Variants in CALN1 observed in about 807,000 individuals in gnomAD.
The protein encoded by CALN1 is calcium-binding protein 8.
Under a neutral mutation model 30.6 loss-of-function variants are expected in CALN1, and 17 were observed. That is an observed-to-expected ratio of 0.56 (90% CI 0.38 to 0.83). CALN1 has a LOEUF of 0.83. Among genes scored for constraint, CALN1 ranks in the 40% least tolerant of loss-of-function variants. The probability of loss-of-function intolerance (pLI) is 0.00; values close to 1 mark genes in which losing one functional copy is unlikely to be tolerated. For missense variants in CALN1, 291 were observed against 354.9 expected (o/e 0.82, Z 1.45); for synonymous variants, 156 against 131.4 (o/e 1.19, Z -1.28).
chr7:72,186,916 A>C (rs1378367920), intron 3 of CALN1, among the ~76,000 whole-genome samples: 1 of 114,060 alleles, frequency 8.8e-6, no homozygotes, highest in African/African-American at 3.2e-5. Context: ...TTTTGATAGA[A>C]TGATTTCTTT....
chr7:71,979,056 T>C (rs1248224324), intron 5 of CALN1, among the ~76,000 whole-genome samples: 5 of 152,062 alleles, frequency 3.3e-5, no homozygotes, highest in Non-Finnish European at 5.9e-5. Flanking sequence ...AGATGATGTC[T>C]CCCTCCAGGA....
At chr7:72,412,654 A>G (rs546706582), upstream of CALN1, among the ~76,000 whole-genome samples, 326 of 152,306 alleles carry the variant, frequency 2.1e-3, 2 homozygotes, top group African/African-American at 7.6e-3. Flanking sequence ...GAGCAGCCCC[A>G]GCCCTTGTCC....
chr7:72,176,391 T>G (rs969000583), intron 3 of CALN1, among the ~76,000 whole-genome samples: 1 of 152,190 alleles, frequency 6.6e-6, no homozygotes. Flanking sequence ...AAATCTCTTG[T>G]TGAAATATGA....
At chr7:71,934,417 C>T (rs929190775) in intron 5 of CALN1, among the ~76,000 whole-genome samples, 1 of 152,108 alleles carries the variant, frequency 6.6e-6, no homozygotes, top group Non-Finnish European at 1.5e-5. Flanking sequence ...GTTTACTTGG[C>T]TCATGGTTCT....
chr7:72,091,331 A>C (rs1248212536), intron 4 of CALN1, among the ~76,000 whole-genome samples: 1 of 152,206 alleles, frequency 6.6e-6, no homozygotes, highest in African/African-American at 2.4e-5. Flanking sequence ...ACTCCGTCTC[A>C]AACAGACAAA....
the CALN1 span, among the ~76,000 whole-genome samples, chr7:72,487,095 G>A: frequency 6.6e-6 from 1 of 152,136 alleles, no homozygotes; most frequent in Admixed American, 6.5e-5. Context: ...CTGTTGCCCT[G>A]GCTGGAGTAC....
chr7:72,388,948 C>T (rs1338703678), intron 2 of CALN1, among the ~76,000 whole-genome samples: 1 of 152,178 alleles, frequency 6.6e-6, no homozygotes, highest in Non-Finnish European at 1.5e-5. Flanking sequence ...GGCTGCAGAT[C>T]GCTGGGTCTC....
At chr7:71,874,260 G>A (rs1263874888) in intron 5 of CALN1, among the ~76,000 whole-genome samples, 3 of 138,716 alleles carry the variant, frequency 2.2e-5, no homozygotes, top group African/African-American at 5.7e-5. Flanking sequence ...GGGTGACAGC[G>A]AGACTCTGTC....
At chr7:71,916,310 T>C (rs543443698) in intron 5 of CALN1, among the ~76,000 whole-genome samples, 1 of 152,028 alleles carries the variant, frequency 6.6e-6, no homozygotes, top group South Asian at 2.1e-4. Flanking sequence ...GACTCCTTCC[T>C]CAGAGAAGAT....
chr7:72,072,196 CAA>C (rs1356205017), intron 4 of CALN1, among the ~76,000 whole-genome samples: 2 of 152,088 alleles, frequency 1.3e-5, no homozygotes, highest in East Asian at 1.9e-4. Context: ...AAGATGAACT[CAA>C]AGAGACCCAC....
chr7:72,057,984 T>C (rs1803377981), intron 4 of CALN1, among the ~76,000 whole-genome samples: 1 of 152,184 alleles, frequency 6.6e-6, no homozygotes, highest in Admixed American at 6.5e-5. Flanking sequence ...AGCACAGTTT[T>C]CTAAGTCGTG....
intron 3 of CALN1, among the ~76,000 whole-genome samples, chr7:72,234,845 C>T (rs1794370540): frequency 1.3e-5 from 2 of 152,176 alleles, no homozygotes; most frequent in East Asian, 3.9e-4. Flanking sequence ...GGTAGATATC[C>T]CCTAAGTACT....
At chr7:71,874,279 T>TA (rs57423286) in intron 5 of CALN1, among the ~76,000 whole-genome samples, 5,049 of 97,548 alleles carry the variant, frequency 0.052, 395 homozygotes, top group African/African-American at 0.17. Context: ...TCTCAAACAT[T>TA]AAAAAAAAAA....
chr7:72,213,787 G>A (rs965435450), intron 3 of CALN1, among the ~76,000 whole-genome samples: 2 of 152,138 alleles, frequency 1.3e-5, no homozygotes, highest in African/African-American at 4.8e-5. Flanking sequence ...TCCAAACAGG[G>A]AGGGAGAAGG....
intron 3 of CALN1, among the ~76,000 whole-genome samples, chr7:72,226,275 A>T (rs1793673599): frequency 6.6e-6 from 1 of 151,898 alleles, no homozygotes; most frequent in Non-Finnish European, 1.5e-5. Context: ...GAAAGAAAGA[A>T]TTAGCAATGG....
chr7:72,100,740 A>T (rs1806593021), intron 4 of CALN1, among the ~76,000 whole-genome samples: 2 of 149,568 alleles, frequency 1.3e-5, no homozygotes, highest in South Asian at 4.3e-4. Flanking sequence ...GAATGGCGTG[A>T]ACCTGGGAGG....
intron 3 of CALN1, among the ~76,000 whole-genome samples, chr7:72,257,774 A>G (rs1456906859): frequency 6.6e-6 from 1 of 152,228 alleles, no homozygotes; most frequent in Non-Finnish European, 1.5e-5. Flanking sequence ...ACCACGGAAT[A>G]CTACTCAGCC....
chr7:72,274,815 T>C, intron 3 of CALN1, among the ~76,000 whole-genome samples: 1 of 152,146 alleles, frequency 6.6e-6, no homozygotes, highest in East Asian at 1.9e-4. Flanking sequence ...ACTGTCTCCA[T>C]CAATCCACCT....
intron 5 of CALN1, among the ~76,000 whole-genome samples, chr7:71,869,925 T>C (rs1471062694): frequency 1.3e-5 from 2 of 152,078 alleles, no homozygotes; most frequent in Admixed American, 1.3e-4. Flanking sequence ...GCAGACCAGA[T>C]TCCTCAGGTT....
Sources: allele counts gnomAD v4.1 joint callset (sites outside exome capture counted in the v4.1 genomes callset), GRCh38; gene constraint gnomAD v4.1.1; transcripts MANE v1.5; gene names NCBI Gene and HGNC (gene_info 2026-07-23, HGNC 2026-07-21).